Variants in CR1 observed in about 807,000 individuals in gnomAD.
The protein encoded by CR1 is complement receptor type 1.
In CR1, 116 loss-of-function variants were observed where a neutral mutation model predicts 187.3. The ratio of observed to expected loss-of-function variants is 0.62; its 90% CI spans 0.53 to 0.72. The LOEUF (loss-of-function observed/expected upper bound fraction) is 0.72. Ranked by LOEUF, CR1 falls within the 30% of genes least tolerant of loss-of-function variation. The probability of loss-of-function intolerance (pLI) is 0.00; values close to 1 mark genes in which losing one functional copy is unlikely to be tolerated. For synonymous variants in CR1, 576 were observed against 747.1 expected (o/e 0.77, Z 3.73); for missense variants, 1,731 against 2,110.7 (o/e 0.82, Z 3.52).
chr1:207,582,061 T>A, intron 32 of CR1, 58 bp downstream of exon 32: 1 of 1,303,580 alleles, frequency 7.7e-7, no homozygotes, highest in Admixed American at 1.9e-5. Flanking sequence ...TTAATATAGT[T>A]TGCCCCATGG....
At chr1:207,600,855 C>T (rs988869408) in intron 35 of CR1, 10 of 152,186 alleles carry the variant, frequency 6.6e-5, no homozygotes, top group African/African-American at 2.4e-4. Flanking sequence ...GCTTCAACAA[C>T]CTGTAATGGT....
intron 41 of CR1, among the ~76,000 whole-genome samples, chr1:207,617,476 A>C (rs1312523422): frequency 1.4e-5 from 1 of 70,856 alleles, no homozygotes; most frequent in African/African-American, 4.9e-5. Context: ...GTACCCTAGA[A>C]CTTAAAGTAT....
chr1:207,565,204 T>A lies in CR1; in HGVS notation c.3867-634T>A, dbSNP rs917288036. 2.0e-5 allele frequency among the ~76,000 whole-genome samples: 3 copies of A among 150,204 alleles called. 1 individual carries two copies. Among genetic ancestry groups the A allele is most frequent in the African/African-American group, 5.0e-5 (2 of 39,642 alleles). ...ACACAGAATCTTGGCAGCCTCCAAA[T>A]GCCAGCACCCAGTAAGAGTTAGGAG... On this transcript the variant is annotated intron_variant, in intron 23 of 46. Coordinates refer to ENST00000367049, the MANE Select transcript of CR1 (RefSeq NM_000651.6).
chr1:207,633,213 C>A (rs1292022512), intron 46 of CR1, among the ~76,000 whole-genome samples: 1 of 152,144 alleles, frequency 6.6e-6, no homozygotes, highest in Non-Finnish European at 1.5e-5. Flanking sequence ...AAAATGATAT[C>A]TCTCTTTGAA....
chr1:207,523,972 G>A lies in CR1; in HGVS notation c.849G>A (p.Leu283=), dbSNP rs371169282. 3,156 of 1,611,786 alleles carry A rather than the reference G, an allele frequency of 2.0e-3. 8 individuals are homozygous for A. The highest frequency in any genetic ancestry group is 2.4e-3 in the Non-Finnish European group (2,847 of 1,179,718). ...CCCGCCGTGTGAAGTGCCAGGCCCT[G>A]AACAAATGGGAGCCGGAGCTACCAA... The part of the protein sequence containing the change: ...KGPRRVKCQA[L]NKWEPELPSC... The change falls in exon 5 of 47, where the codon CTG becomes CTA. Residue 283 remains leucine (L), a synonymous_variant. Coordinates refer to ENST00000367049, the MANE Select transcript of CR1 (RefSeq NM_000651.6).
chr1:207,623,444 G>A (rs1662376237), intron 45 of CR1, among the ~76,000 whole-genome samples: 1 of 152,000 alleles, frequency 6.6e-6, no homozygotes, highest in African/African-American at 2.4e-5. Context: ...TTAGCTGGGC[G>A]AGGTGGGACA....
At position 207,613,729 on chromosome 1, in the gene CR1, C is replaced by A. The variant is rs539559865; in HGVS notation, c.6576-675C>A. On this transcript the variant is annotated intron_variant, in intron 39 of 46. Coordinates refer to ENST00000367049, the MANE Select transcript of CR1 (RefSeq NM_000651.6). ...TTTTTAATGATTTCCAAAGAATCTTCGGCATTTACAAAGTCCACCACCTAA... is the reference window on the plus strand; with the variant it reads ...TTTTTAATGATTTCCAAAGAATCTTAGGCATTTACAAAGTCCACCACCTAA... 3.3e-5 allele frequency among the ~76,000 whole-genome samples: 5 copies of A among 152,136 alleles called. No individual in the cohort carries two copies. The East Asian group carries it at 7.7e-4, about 24-fold the overall frequency.
chr1:207,589,382 G>A (rs1661202108), intron 35 of CR1, among the ~76,000 whole-genome samples: 1 of 152,122 alleles, frequency 6.6e-6, no homozygotes, highest in African/African-American at 2.4e-5. Flanking sequence ...ACTGTTAGAA[G>A]ATAAACTAAC....
chr1:207,576,408 A>C (rs1019897688), intron 28 of CR1, among the ~76,000 whole-genome samples: 2 of 152,320 alleles, frequency 1.3e-5, no homozygotes, highest in South Asian at 2.1e-4. Context: ...ATCAGTATCC[A>C]GTTCTTTTTA....
intron 35 of CR1, among the ~76,000 whole-genome samples, chr1:207,591,767 C>T (rs1380747709): frequency 6.6e-6 from 1 of 152,088 alleles, no homozygotes; most frequent in African/African-American, 2.4e-5. Flanking sequence ...GGGGATATCA[C>T]CACTGATCCC....
At chr1:207,572,478 A>G (rs1371094904) in intron 27 of CR1, among the ~76,000 whole-genome samples, 1 of 151,952 alleles carries the variant, frequency 6.6e-6, no homozygotes, top group Non-Finnish European at 1.5e-5. Flanking sequence ...TTTTTTATCA[A>G]TAAACCTTTT....
At position 207,622,990 on chromosome 1, in the gene CR1, T is replaced by C. The variant is rs1662357946; in HGVS notation, c.7277-3T>C. 1 of 1,565,906 alleles carries C rather than the reference T, an allele frequency of 6.4e-7. No homozygotes were observed. Among genetic ancestry groups the C allele is most frequent in the African/African-American group, 1.3e-5 (1 of 74,230 alleles). ...CATTTAATTACCTTGTTTTACTGCC[T>C]AGGCACTTTATCTGGTACGATCTTC... is the stretch of plus-strand genomic sequence containing the variant. On this transcript the variant is annotated splice_region_variant and splice_polypyrimidine_tract_variant and intron_variant, in intron 44 of 46. Transcript: ENST00000367049.
At chr1:207,615,591 C>CTAAA (rs1180525302) in intron 40 of CR1, among the ~76,000 whole-genome samples, 2 of 152,154 alleles carry the variant, frequency 1.3e-5, no homozygotes, top group African/African-American at 4.8e-5. Context: ...ATTCTGTCTA[C>CTAAA]TAAAGCAAGG....
intron 4 of CR1, among the ~76,000 whole-genome samples, chr1:207,518,136 C>A (rs969369728): frequency 5.1e-4 from 77 of 152,160 alleles, no homozygotes; most frequent in African/African-American, 1.9e-3. Flanking sequence ...TTCCAACAAT[C>A]TTTATATTTT....
At chr1:207,629,378 C>T (rs1195126125) in intron 45 of CR1, among the ~76,000 whole-genome samples, 1 of 152,106 alleles carries the variant, frequency 6.6e-6, no homozygotes, top group East Asian at 1.9e-4. Flanking sequence ...TTCTCCAAAA[C>T]CCCATGTACC....
At chr1:207,633,861 G>A (rs1030290622) in intron 46 of CR1, among the ~76,000 whole-genome samples, 4 of 151,914 alleles carry the variant, frequency 2.6e-5, no homozygotes, top group Non-Finnish European at 5.9e-5. Context: ...AGCGAAGGGA[G>A]ATAGGGGTGG....
intron 45 of CR1, among the ~76,000 whole-genome samples, chr1:207,623,493 G>C (rs12032780): frequency 0.016 from 2,360 of 151,608 alleles, 71 homozygotes; most frequent in African/African-American, 0.055. Context: ...GTTGAAGCAT[G>C]AGAATTGCTT....
rs770527998 is a variant in CR1 at position 207,640,941 on chromosome 1, T to C, written c.*1532T>C. The C allele has an allele frequency of 4.2e-4, 64 of 152,232 alleles. No individual in the cohort carries two copies. The highest frequency in any genetic ancestry group is 1.3e-4 in the Admixed American group (2 of 15,284). The allele number at this position is 152,232 out of a possible 1,614,324, so 9.4% of individuals were successfully genotyped here. A position where few individuals can be genotyped will look rare whatever the true frequency, so the allele number is the denominator to read the frequency against. ...AAAAACCAGCTTAAGAAAAATCAAC[T>C]GATAAACTGCAAGAAAAAAATGCAA... On this transcript the variant is annotated 3_prime_UTR_variant, in exon 47 of 47. Transcript: ENST00000367049.
intron 3 of CR1, among the ~76,000 whole-genome samples, chr1:207,511,297 T>G (rs1659607749): frequency 1.3e-5 from 2 of 152,112 alleles, no homozygotes; most frequent in South Asian, 4.1e-4. Flanking sequence ...AAAATGAAAT[T>G]TATAGGAAAA....
Sources: gnomAD v4.1 joint callset for allele counts (sites outside exome capture counted in the v4.1 genomes callset) on GRCh38, gnomAD v4.1.1 for gene constraint, MANE v1.5 for transcripts, NCBI Gene and HGNC (gene_info 2026-07-23, HGNC 2026-07-21) for gene names.